Variants in RABGAP1L observed in about 807,000 individuals in gnomAD.
RABGAP1L encodes rab GTPase-activating protein 1-like.
In RABGAP1L, 63 loss-of-function variants were observed where a neutral mutation model predicts 137.7. The ratio of observed to expected loss-of-function variants is 0.46; its 90% CI spans 0.37 to 0.56. RABGAP1L has a LOEUF of 0.56. Among genes scored for constraint, RABGAP1L ranks in the 20% least tolerant of loss-of-function variants. The pLI, the probability that RABGAP1L is intolerant of heterozygous loss-of-function variation, is 0.00. For missense variants in RABGAP1L, 1,095 were observed against 1,244.0 expected (o/e 0.88, Z 1.80); for synonymous variants, 431 against 433.7 (o/e 0.99, Z 0.08).
At position 174,431,859 on chromosome 1, in the gene RABGAP1L, A is replaced by G. The variant is rs547472157; in HGVS notation, c.1710+37714A>G. Among the ~76,000 whole-genome samples the G allele has an allele frequency of 5.9e-5, 9 of 152,336 alleles. No individual in the cohort carries two copies. The South Asian group carries it at 1.7e-3, about 28-fold the overall frequency. On this transcript the variant is annotated intron_variant, in intron 13 of 25. Transcript: ENST00000681986. ...ATTCTTGGTTTAAGAAGACAGAGGA[A>G]TAGATAATACATCTTTTAAGAATTT...
chr1:174,161,043 A>T (rs1421898413), intron 1 of RABGAP1L, among the ~76,000 whole-genome samples: 2 of 152,192 alleles, frequency 1.3e-5, no homozygotes, highest in Admixed American at 1.3e-4. Context: ...ATCAAATTGT[A>T]TTAAATGTAC....
At position 174,250,602 on chromosome 1, in the gene RABGAP1L, TA is replaced by T. The variant is rs1288217576; in HGVS notation, c.849del (p.Glu284LysfsTer22). ...TTTACCTTCAGTGTCTCCTTGGAGGTAAAAGAAGACGATGGAAAAGGAAACT... is the reference window on the plus strand; with the variant it reads ...TTTACCTTCAGTGTCTCCTTGGAGGTAAAGAAGACGATGGAAAAGGAAACT... ...DVFTFSVSLE[V>X]KEDDGKGNFS... On this transcript the variant is annotated frameshift_variant, in exon 6 of 26. Coordinates refer to ENST00000681986, the MANE Select transcript of RABGAP1L (RefSeq NM_001366446.1). LOFTEE classifies it high-confidence loss of function. 1.9e-6 allele frequency: 3 copies of T among 1,613,078 alleles called. No homozygotes were observed. The highest frequency in any genetic ancestry group is 2.5e-6 in the Non-Finnish European group (3 of 1,179,722).
At chr1:174,400,274 A>T (rs1648410782) in intron 13 of RABGAP1L, among the ~76,000 whole-genome samples, 1 of 152,010 alleles carries the variant, frequency 6.6e-6, no homozygotes, top group Non-Finnish European at 1.5e-5. Context: ...CGATTTTGTG[A>T]CTCCATTATA....
In RABGAP1L at chr1:174,394,157, T is replaced by G. The variant is rs1434715201; in HGVS notation, c.1710+12T>G. ...TTCTTATCACAAAGGTAGGAAGAAG[T>G]TCTTTTCATATTATTTTCATTGGAT... On this transcript the variant is annotated intron_variant, in intron 13 of 25. Coordinates refer to ENST00000681986, the MANE Select transcript of RABGAP1L (RefSeq NM_001366446.1). 7 of 1,607,924 alleles carry G rather than the reference T, an allele frequency of 4.4e-6. No homozygotes were observed. The highest frequency in any genetic ancestry group is 5.9e-6 in the Non-Finnish European group (7 of 1,177,160).
chr1:174,753,454 G>A (rs1684491502), intron 18 of RABGAP1L, among the ~76,000 whole-genome samples: 1 of 152,134 alleles, frequency 6.6e-6, no homozygotes, highest in African/African-American at 2.4e-5. Context: ...AACTCAGTAA[G>A]TGGATTTCTA....
At position 174,221,097 on chromosome 1, in the gene RABGAP1L, T is replaced by A. The variant is rs750905912; in HGVS notation, c.264T>A (p.Phe88Leu). ...QSSSEISDHS[F>L]GDIPASQTNK... ...CCAGTGAGATTTCAGACCATTCGTT[T>A]GGAGATATTCCAGCCAGCCAAACAA... Residue 88 changes from phenylalanine (F) to leucine (L), a missense_variant, in exon 3 of 26, where the codon TTT (phenylalanine) becomes TTA (leucine). Phe to Leu is a conservative substitution (Grantham distance 22). Transcript: ENST00000681986. The A allele has an allele frequency of 8.1e-6, 13 of 1,613,798 alleles. No homozygotes were observed. The highest frequency in any genetic ancestry group is 3.3e-4 in the Middle Eastern group (2 of 6,078).
At chr1:174,904,734 C>G (rs907890522) in intron 19 of RABGAP1L, among the ~76,000 whole-genome samples, 1 of 152,104 alleles carries the variant, frequency 6.6e-6, no homozygotes, top group Non-Finnish European at 1.5e-5. Flanking sequence ...ACTGCAGCCT[C>G]AACTCCCTGG....
chr1:174,500,183 G>T (rs146267224), intron 13 of RABGAP1L, among the ~76,000 whole-genome samples: 1 of 151,688 alleles, frequency 6.6e-6, no homozygotes, highest in African/African-American at 2.4e-5. Context: ...GGGTTCAAGC[G>T]ATTCTCCTGC....
intron 11 of RABGAP1L, among the ~76,000 whole-genome samples, chr1:174,340,916 G>A (rs1293941840): frequency 6.6e-6 from 1 of 152,088 alleles, no homozygotes; most frequent in East Asian, 1.9e-4. Flanking sequence ...TCACGACCTT[G>A]CCAGCATCTG....
intron 12 of RABGAP1L, among the ~76,000 whole-genome samples, chr1:174,387,122 G>A (rs1173732535): frequency 6.6e-6 from 1 of 152,196 alleles, no homozygotes; most frequent in East Asian, 1.9e-4. Flanking sequence ...TATAATCAAT[G>A]TAGGTGGGAA....
In RABGAP1L at chr1:174,877,039, A is replaced by C. The variant is rs542996783; in HGVS notation, c.2340+65079A>C. Among the ~76,000 whole-genome samples the C allele has an allele frequency of 2.6e-5, 4 of 152,326 alleles. No individual in the cohort carries two copies. The South Asian group carries it at 8.3e-4, about 32-fold the overall frequency. ...GAAAATTTACTTCTTCTCCAAGAAC[A>C]ATCTTCATGTAATAATACTGCAGTA... On this transcript the variant is annotated intron_variant, in intron 19 of 25. Transcript: ENST00000681986.
intron 18 of RABGAP1L, among the ~76,000 whole-genome samples, chr1:174,762,208 T>C (rs756305478): frequency 6.6e-6 from 1 of 152,180 alleles, no homozygotes; most frequent in Non-Finnish European, 1.5e-5. Flanking sequence ...TAGGATAAAG[T>C]TCACAATTTT....
chr1:174,427,608 C>T (rs546216210), intron 13 of RABGAP1L, among the ~76,000 whole-genome samples: 81 of 152,084 alleles, frequency 5.3e-4, no homozygotes, highest in African/African-American at 1.8e-3. Context: ...TTTTCTTATT[C>T]CCCTAGATAG....
At chr1:174,630,195 TA>T (rs1248904979) in intron 13 of RABGAP1L, among the ~76,000 whole-genome samples, 8 of 150,506 alleles carry the variant, frequency 5.3e-5, no homozygotes, top group Admixed American at 5.3e-4. Flanking sequence ...GGATTACATT[TA>T]TTGATTTGCG....
intron 18 of RABGAP1L, among the ~76,000 whole-genome samples, chr1:174,805,914 A>G (rs1173683622): frequency 6.6e-6 from 1 of 152,238 alleles, no homozygotes; most frequent in Non-Finnish European, 1.5e-5. Context: ...TCTTCTGGCT[A>G]ACATTACTTA....
intron 3 of RABGAP1L, among the ~76,000 whole-genome samples, chr1:174,229,502 C>T (rs1175375410): frequency 6.6e-6 from 1 of 152,044 alleles, no homozygotes. Context: ...GTGACCTGTG[C>T]TTTTCTAGAG....
intron 19 of RABGAP1L, among the ~76,000 whole-genome samples, chr1:174,901,943 G>T (rs1658207100): frequency 6.6e-6 from 1 of 152,152 alleles, no homozygotes; most frequent in Non-Finnish European, 1.5e-5. Context: ...TCGTAGGACT[G>T]CTGTGGTTTG....
Position 174,313,170 on chromosome 1 carries a change from C to G in RABGAP1L, c.1465+8043C>G, listed in dbSNP as rs758974520. ...TCTTGATCTGACCTTGTGATCTGCC[C>G]GCCTCGGCCTCCCAAAGTGCTGGGA... On this transcript the variant is annotated intron_variant, in intron 11 of 25. Coordinates refer to ENST00000681986, the MANE Select transcript of RABGAP1L (RefSeq NM_001366446.1). Among the ~76,000 whole-genome samples, 3 of 152,024 alleles carry G rather than the reference C, an allele frequency of 2.0e-5. No individual in the cohort carries two copies. In the East Asian group the frequency reaches 5.8e-4, roughly 29 times the overall value.
chr1:174,500,520 A>G (rs1398706249), intron 13 of RABGAP1L, among the ~76,000 whole-genome samples: 2 of 152,160 alleles, frequency 1.3e-5, no homozygotes, highest in Non-Finnish European at 2.9e-5. Context: ...TGTGCATGAA[A>G]TGAGAACTAT....
Sources: allele counts gnomAD v4.1 joint callset (sites outside exome capture counted in the v4.1 genomes callset), GRCh38; gene constraint gnomAD v4.1.1; transcripts MANE v1.5; gene names NCBI Gene and HGNC (gene_info 2026-07-23, HGNC 2026-07-21).